GPHN: variants seen among roughly 807,000 people sequenced by gnomAD.
GPHN encodes the protein gephyrin.
Under a neutral mutation model 95.5 loss-of-function variants are expected in GPHN, and 17 were observed. The observed-to-expected ratio is 0.18, with a 90% confidence interval of 0.12 to 0.27. The LOEUF (loss-of-function observed/expected upper bound fraction) is 0.27. Ranked by LOEUF, GPHN falls within the 10% of genes least tolerant of loss-of-function variation. The probability of loss-of-function intolerance (pLI) is 1.00; values close to 1 mark genes in which losing one functional copy is unlikely to be tolerated. For synonymous variants in GPHN, 320 were observed against 322.5 expected (o/e 0.99, Z 0.08); for missense variants, 660 against 978.1 (o/e 0.67, Z 4.34).
chr14:66,748,443 C>G (rs115542390), intron 2 of GPHN, among the ~76,000 whole-genome samples: 1 of 151,866 alleles, frequency 6.6e-6, no homozygotes, highest in Admixed American at 6.6e-5. Context: ...CCCCCTGCAC[C>G]CTTACATGCA....
At chr14:66,733,373 A>G (rs2071972887) in intron 2 of GPHN, among the ~76,000 whole-genome samples, 1 of 151,964 alleles carries the variant, frequency 6.6e-6, no homozygotes, top group African/African-American at 2.4e-5. Context: ...ACAGACTAAT[A>G]CAGACACCTA....
chr14:67,564,984 T>C, the GPHN span, among the ~76,000 whole-genome samples: 1 of 152,114 alleles, frequency 6.6e-6, no homozygotes. Flanking sequence ...AGCCACTGTG[T>C]CTGGCCCTGT....
At chr14:66,660,139 C>G (rs2065554675) in intron 1 of GPHN, among the ~76,000 whole-genome samples, 3 of 151,786 alleles carry the variant, frequency 2.0e-5, no homozygotes, top group Admixed American at 2.0e-4. Context: ...TCAATTTTAT[C>G]AATTCATGTG....
chr14:67,225,323 C>A, the GPHN span: 1 of 1,220,852 alleles, frequency 8.2e-7, no homozygotes, highest in Non-Finnish European at 1.1e-6. Flanking sequence ...TACTGTCACA[C>A]AAAAAAGTTG....
At chr14:66,850,688 C>A (rs2062544008) in intron 4 of GPHN, among the ~76,000 whole-genome samples, 2 of 151,960 alleles carry the variant, frequency 1.3e-5, no homozygotes, top group African/African-American at 4.8e-5. Flanking sequence ...ATGGGACAGT[C>A]CCGGCAATAA....
intron 4 of GPHN, among the ~76,000 whole-genome samples, chr14:66,825,158 A>G (rs535452821): frequency 1.3e-5 from 2 of 152,276 alleles, no homozygotes; most frequent in South Asian, 4.1e-4. Flanking sequence ...AGAATGAAGA[A>G]TAAGCACTAT....
the GPHN span, chr14:67,199,560 T>G: frequency 6.3e-7 from 1 of 1,599,466 alleles, no homozygotes; most frequent in African/African-American, 1.3e-5. Flanking sequence ...GGGCAGTACC[T>G]CTGTAACCAC....
intron 2 of GPHN, among the ~76,000 whole-genome samples, chr14:66,746,650 A>G (rs900048927): frequency 6.6e-6 from 1 of 151,372 alleles, no homozygotes; most frequent in Non-Finnish European, 1.5e-5. Flanking sequence ...AGTACTTTCT[A>G]CTTCCCTTGG....
At chr14:66,985,583 A>C in intron 9 of GPHN, 1 of 723,696 alleles carries the variant, frequency 1.4e-6, no homozygotes, top group Non-Finnish European at 2.4e-6. Context: ...CAGAGAGTCA[A>C]TTGATGTTTT....
chr14:66,727,699 A>G (rs1352127907), intron 2 of GPHN, among the ~76,000 whole-genome samples: 2 of 152,224 alleles, frequency 1.3e-5, no homozygotes, highest in African/African-American at 2.4e-5. Context: ...TCTAAACAGT[A>G]AAGCATTCAA....
the GPHN span, chr14:67,569,793 G>A: frequency 1.5e-6 from 1 of 679,032 alleles, no homozygotes; most frequent in South Asian, 1.7e-5. Context: ...CAGGGCCCTG[G>A]CCCCCCTCTT....
intron 1 of GPHN, among the ~76,000 whole-genome samples, chr14:66,559,411 A>C: frequency 3.8e-5 from 5 of 129,982 alleles, no homozygotes; most frequent in South Asian, 2.8e-4. Context: ...TTGTTTCCTG[A>C]CTTTTTAATG....
chr14:67,084,633 C>T (rs1352900229), intron 11 of GPHN, among the ~76,000 whole-genome samples: 1 of 152,172 alleles, frequency 6.6e-6, no homozygotes, highest in Non-Finnish European at 1.5e-5. Context: ...CAGCCAGGCC[C>T]TACGGGTATT....
the GPHN span, among the ~76,000 whole-genome samples, chr14:67,662,030 C>T: frequency 2.6e-5 from 4 of 152,094 alleles, no homozygotes; most frequent in South Asian, 2.1e-4. Context: ...GTGGCGCCCA[C>T]CTGTATTCCC....
At chr14:66,961,040 A>C (rs927789167) in intron 8 of GPHN, among the ~76,000 whole-genome samples, 2 of 152,128 alleles carry the variant, frequency 1.3e-5, no homozygotes, top group African/African-American at 4.8e-5. Context: ...AAGTGAAATA[A>C]AGGCAGGCCC....
the GPHN span, chr14:67,678,416 G>T: frequency 1.9e-6 from 3 of 1,610,630 alleles, no homozygotes; most frequent in East Asian, 2.2e-5. Flanking sequence ...CATGCCACAT[G>T]ACAGTCACTG....
At chr14:66,816,709 C>T (rs926268784) in intron 3 of GPHN, among the ~76,000 whole-genome samples, 2 of 152,196 alleles carry the variant, frequency 1.3e-5, no homozygotes, top group Middle Eastern at 3.4e-3. Flanking sequence ...AGAAAGATCT[C>T]CAGTTAACAG....
chr14:67,137,495 G>C (rs1436448000), intron 17 of GPHN, among the ~76,000 whole-genome samples: 1 of 152,070 alleles, frequency 6.6e-6, no homozygotes, highest in East Asian at 2.0e-4. Flanking sequence ...CAGGTGCAGT[G>C]GCTCATGCCT....
chr14:67,247,173 A>G, the GPHN span, among the ~76,000 whole-genome samples: 27 of 152,216 alleles, frequency 1.8e-4, no homozygotes, highest in Admixed American at 1.1e-3. Context: ...CTTCTCATCT[A>G]TGAACATGCT....
Sources: gnomAD v4.1 joint callset for allele counts (sites outside exome capture counted in the v4.1 genomes callset) on GRCh38, gnomAD v4.1.1 for gene constraint, MANE v1.5 for transcripts, NCBI Gene and HGNC (gene_info 2026-07-23, HGNC 2026-07-21) for gene names.